The following ITGB3BP variants were observed in gnomAD, a reference collection of about 807,000 sequenced individuals.
The protein encoded by ITGB3BP is integrin subunit beta 3 binding protein.
ITGB3BP carries 27 observed loss-of-function variants against 29.1 expected under a neutral mutation model. The observed-to-expected ratio is 0.93, with a 90% CI of 0.68 to 1.28. The LOEUF (loss-of-function observed/expected upper bound fraction) is 1.28. ITGB3BP is among the 50% of genes most tolerant of loss of function. ITGB3BP has a pLI of 0.00. For synonymous variants in ITGB3BP, 61 were observed against 61.4 expected (o/e 0.99, Z 0.03); for missense variants, 192 against 200.2 (o/e 0.96, Z 0.25).
At chr1:63,444,447 T>TATATATATATTACATATAGG (rs11274944) in intron 8 of ITGB3BP, among the ~76,000 whole-genome samples, 12 of 135,920 alleles carry the variant, frequency 8.8e-5, no homozygotes, top group South Asian at 2.4e-4. Context: ...ATATATATCC[T>TATATATATATTACATATAGG]ATATATATAT....
chr1:63,469,833 C>A (rs1645165088), intron 4 of ITGB3BP, among the ~76,000 whole-genome samples: 1 of 152,124 alleles, frequency 6.6e-6, no homozygotes, highest in African/African-American at 2.4e-5. Context: ...GTAAACTGGC[C>A]CTAAACTGGC....
At chr1:63,494,662 C>T in intron 2 of ITGB3BP, among the ~76,000 whole-genome samples, 1 of 151,986 alleles carries the variant, frequency 6.6e-6, no homozygotes, top group South Asian at 2.1e-4. Flanking sequence ...CAAATTTCAC[C>T]CTGACAAGAA....
upstream of ITGB3BP, among the ~76,000 whole-genome samples, chr1:63,524,455 C>T (rs1646543133): frequency 6.6e-6 from 1 of 152,180 alleles, no homozygotes; most frequent in African/African-American, 2.4e-5. Flanking sequence ...CAATTATTAT[C>T]TTTCTTTCCC....
In ITGB3BP at chr1:63,523,060, G is replaced by A. The variant is rs767235747; in HGVS notation, c.5+69C>T. 11 of 1,570,256 alleles carry A rather than the reference G, an allele frequency of 7.0e-6. No homozygotes were observed. In the East Asian group the frequency reaches 2.2e-4, roughly 32 times the overall value. On this transcript the variant is annotated intron_variant, in intron 1 of 8. Transcript: ENST00000271002. ...AATAGGAAAACGAGAAAGGCTACTG[G>A]GCCACATAATATCTTCTCTTCTTGC... is the stretch of plus-strand genomic sequence containing the variant.
intron 4 of ITGB3BP, among the ~76,000 whole-genome samples, chr1:63,472,556 A>C (rs1275641983): frequency 6.8e-6 from 1 of 146,660 alleles, no homozygotes; most frequent in African/African-American, 2.5e-5. Context: ...ATCTCGGCTC[A>C]CTGCAACCTC....
intron 2 of ITGB3BP, among the ~76,000 whole-genome samples, chr1:63,505,155 T>G (rs550165969): frequency 5.3e-5 from 8 of 152,228 alleles, no homozygotes; most frequent in African/African-American, 1.9e-4. Context: ...CTTTTTTTGG[T>G]TGGTAAGCTA....
chr1:63,490,711 G>C (rs1235909284), intron 2 of ITGB3BP, among the ~76,000 whole-genome samples: 1 of 152,186 alleles, frequency 6.6e-6, no homozygotes, highest in Non-Finnish European at 1.5e-5. Context: ...AAACAGTTGA[G>C]TCAGGCATTT....
At chr1:63,504,732 T>C (rs1396664987) in intron 2 of ITGB3BP, among the ~76,000 whole-genome samples, 1 of 152,192 alleles carries the variant, frequency 6.6e-6, no homozygotes, top group Non-Finnish European at 1.5e-5. Flanking sequence ...GGTTGTTGAA[T>C]TTTGTCAAAG....
intron 7 of ITGB3BP, chr1:63,447,070 C>T (rs988602776): frequency 9.1e-5 from 47 of 515,574 alleles, no homozygotes; most frequent in East Asian, 2.9e-4. Flanking sequence ...AAATTTATTA[C>T]GAAAACTTCC....
At chr1:63,466,143 G>C (rs1024294145) in intron 4 of ITGB3BP, among the ~76,000 whole-genome samples, 3 of 152,114 alleles carry the variant, frequency 2.0e-5, no homozygotes, top group South Asian at 4.1e-4. Context: ...GCCTTCCATG[G>C]AGCCATGGCA....
chr1:63,490,071 T>A lies in ITGB3BP; in HGVS notation c.184+12A>T. 2 of 1,605,376 alleles carry A rather than the reference T, an allele frequency of 1.2e-6. No homozygotes were observed. The highest frequency in any genetic ancestry group is 1.1e-5 in the South Asian group (1 of 88,910). On this transcript the variant is annotated intron_variant, in intron 3 of 8. Coordinates refer to ENST00000271002, the MANE Select transcript of ITGB3BP (RefSeq NM_014288.5). ...AAACCTTACAATAAGTAGAAAAGAATGTTCAACTAACCATTTGATAGTCCA... is the reference window on the plus strand; with the variant it reads ...AAACCTTACAATAAGTAGAAAAGAAAGTTCAACTAACCATTTGATAGTCCA...
At position 63,504,286 on chromosome 1, in the gene ITGB3BP, G is replaced by T. The variant is rs1181293591; in HGVS notation, c.48+4242C>A. Among the ~76,000 whole-genome samples, 15 of 152,022 alleles carry T rather than the reference G, an allele frequency of 9.9e-5. No homozygotes were observed. In the South Asian group the frequency reaches 1.2e-3, roughly 13 times the overall value. ...TTCTCTTTGAAGCAATTGTGAATGG[G>T]AGTTCACTCATGATTTGGCTCTGTT... is the stretch of plus-strand genomic sequence containing the variant. On this transcript the variant is annotated intron_variant, in intron 2 of 8. Transcript: ENST00000271002.
chr1:63,481,147 A>C (rs1019756133), intron 3 of ITGB3BP, among the ~76,000 whole-genome samples: 1 of 152,182 alleles, frequency 6.6e-6, no homozygotes, highest in African/African-American at 2.4e-5. Flanking sequence ...GGTAATAAAT[A>C]GTAAAGAATG....
chr1:63,502,956 T>C (rs971223433), intron 2 of ITGB3BP, among the ~76,000 whole-genome samples: 2 of 152,176 alleles, frequency 1.3e-5, no homozygotes, highest in African/African-American at 2.4e-5. Context: ...CTATTGTGAA[T>C]AGTGCTGCAA....
At chr1:63,492,001 T>C (rs2100685552) in intron 2 of ITGB3BP, among the ~76,000 whole-genome samples, 1 of 152,318 alleles carries the variant, frequency 6.6e-6, no homozygotes, top group African/African-American at 2.4e-5. Context: ...ACTACTTCAC[T>C]GTGTATGTAC....
intron 7 of ITGB3BP, chr1:63,449,577 T>C (rs1376777280): frequency 6.6e-6 from 1 of 152,584 alleles, no homozygotes. Context: ...ACAAGAGCAT[T>C]AACATTATTA....
At chr1:63,528,978 A>G (rs116248722) in intron 2 of ITGB3BP, among the ~76,000 whole-genome samples, 1 of 152,104 alleles carries the variant, frequency 6.6e-6, no homozygotes, top group East Asian at 1.9e-4. Flanking sequence ...AAAAAATTAC[A>G]ACTTCATTTA....
chr1:63,498,517 C>A (rs775197824), intron 2 of ITGB3BP, among the ~76,000 whole-genome samples: 1 of 151,550 alleles, frequency 6.6e-6, no homozygotes, highest in East Asian at 1.9e-4. Flanking sequence ...AAGAACAAAA[C>A]GCAACAAAAC....
chr1:63,448,935 A>C (rs1393779983), intron 7 of ITGB3BP, among the ~76,000 whole-genome samples: 1 of 152,158 alleles, frequency 6.6e-6, no homozygotes, highest in Non-Finnish European at 1.5e-5. Context: ...ATGTCTATAA[A>C]ATTTGTTACA....
Sources: allele counts gnomAD v4.1 joint callset (sites outside exome capture counted in the v4.1 genomes callset), GRCh38; gene constraint gnomAD v4.1.1; transcripts MANE v1.5; gene names NCBI Gene and HGNC (gene_info 2026-07-23, HGNC 2026-07-21).